The following ZNF280D variants were observed in gnomAD, a reference collection of about 807,000 sequenced individuals.
ZNF280D encodes suppressor of hairy wing homolog 4.
Under a neutral mutation model 94.7 loss-of-function variants are expected in ZNF280D, and 39 were observed. That is an observed-to-expected ratio of 0.41 (90% CI 0.32 to 0.54). The LOEUF is 0.54. Among genes scored for constraint, ZNF280D ranks in the 20% least tolerant of loss-of-function variants. ZNF280D has a pLI of 0.22. For missense variants in ZNF280D, 1,090 were observed against 1,149.3 expected (o/e 0.95, Z 0.75); for synonymous variants, 398 against 377.6 (o/e 1.05, Z -0.63).
intron 6 of ZNF280D, chr15:56,699,322 A>C (rs1695738824): frequency 1.1e-6 from 1 of 921,572 alleles, no homozygotes. Context: ...AAAGAAGCAA[A>C]TATAGCTCAC....
intron 1 of ZNF280D, among the ~76,000 whole-genome samples, chr15:56,718,918 T>C (rs1315343108): frequency 1.3e-5 from 2 of 152,202 alleles, no homozygotes; most frequent in African/African-American, 4.8e-5. Context: ...TCTTGAAATA[T>C]CATGCTCAGT....
chr15:56,713,789 A>G (rs2057897386), intron 1 of ZNF280D, among the ~76,000 whole-genome samples: 1 of 152,178 alleles, frequency 6.6e-6, no homozygotes, highest in Admixed American at 6.5e-5. Flanking sequence ...GCAATTTTTA[A>G]AACTCCTGTT....
intron 9 of ZNF280D, among the ~76,000 whole-genome samples, chr15:56,684,791 G>C (rs1236056873): frequency 6.6e-6 from 1 of 152,084 alleles, no homozygotes; most frequent in East Asian, 1.9e-4. Context: ...ATTCATATTG[G>C]AGATGAAATT....
At chr15:56,727,092 T>A (rs1340272273) in intron 1 of ZNF280D, among the ~76,000 whole-genome samples, 1 of 152,196 alleles carries the variant, frequency 6.6e-6, no homozygotes, top group African/African-American at 2.4e-5. Context: ...TAACGGTTAT[T>A]TTAGTAAAAT....
At chr15:56,632,201 A>G in intron 21 of ZNF280D, 79 bp from the exon 22 acceptor site, 1 of 1,290,868 alleles carries the variant, frequency 7.7e-7, no homozygotes. Context: ...GACGTGTTCT[A>G]AAAAATAAAA....
intron 16 of ZNF280D, among the ~76,000 whole-genome samples, chr15:56,665,338 C>A (rs1274888567): frequency 6.6e-6 from 1 of 152,096 alleles, no homozygotes; most frequent in Non-Finnish European, 1.5e-5. Flanking sequence ...ATCTAAACAA[C>A]TTTTGCCTAC....
At chr15:56,708,515 T>C (rs80031000) in intron 1 of ZNF280D, among the ~76,000 whole-genome samples, 5 of 152,180 alleles carry the variant, frequency 3.3e-5, no homozygotes, top group Admixed American at 3.3e-4. Flanking sequence ...GACTCATACA[T>C]AATGTTTTTA....
chr15:56,660,342 A>G (rs1272742296), intron 16 of ZNF280D, among the ~76,000 whole-genome samples: 1 of 152,154 alleles, frequency 6.6e-6, no homozygotes, highest in African/African-American at 2.4e-5. Flanking sequence ...ATCTTATAGT[A>G]TAGGGTCTTT....
intron 1 of ZNF280D, among the ~76,000 whole-genome samples, chr15:56,731,132 T>G (rs1175695915): frequency 6.6e-6 from 1 of 152,118 alleles, no homozygotes; most frequent in Non-Finnish European, 1.5e-5. Flanking sequence ...GGAACAAATT[T>G]AAACACTATC....
rs2057975444 is a variant in ZNF280D, at chr15:56,715,179, T to C, written c.-85-7873A>G. 2.6e-5 allele frequency among the ~76,000 whole-genome samples: 4 copies of C among 152,146 alleles called. No individual in the cohort carries two copies. In the South Asian group the frequency reaches 6.2e-4, roughly 24 times the overall value. On this transcript the variant is annotated intron_variant, in intron 1 of 21. Transcript: ENST00000267807. ...AGTTAAGAGTTTCTAGGTTAGGAGT[T>C]TGAATAAAAGCAATCACATTAGCCA...
intron 6 of ZNF280D, 94 bp downstream of exon 6, chr15:56,700,839 A>G: frequency 6.2e-7 from 1 of 1,604,302 alleles, no homozygotes; most frequent in Non-Finnish European, 8.5e-7. Flanking sequence ...ATGACTACTT[A>G]TGACAGTCCA....
At chr15:56,711,653 G>T (rs1323922535) in intron 1 of ZNF280D, among the ~76,000 whole-genome samples, 1 of 152,058 alleles carries the variant, frequency 6.6e-6, no homozygotes, top group East Asian at 1.9e-4. Flanking sequence ...GACACAGCAA[G>T]ACTCAGTCTC....
chr15:56,689,209 C>A, intron 8 of ZNF280D, 59 bp from the exon 9 acceptor site: 2 of 1,557,802 alleles, frequency 1.3e-6, no homozygotes, highest in South Asian at 1.2e-5. Context: ...CCTTAAATAA[C>A]CACTAATAAT....
Position 56,682,482 on chromosome 15 carries a change from A to AAC in ZNF280D, c.781-6_781-5insGT. On this transcript the variant is annotated splice_region_variant and splice_polypyrimidine_tract_variant and intron_variant, in intron 9 of 21. Coordinates refer to ENST00000267807, the MANE Select transcript of ZNF280D (RefSeq NM_017661.4). The stretch of plus-strand genomic sequence containing the variant: ...TATCATGTCTGGACAACAATACTGA[A>AAC]AGAGAAAAAAAAAAAAAAAAAACAA... 1 of 1,332,244 alleles carries AAC rather than the reference A, an allele frequency of 7.5e-7. No individual in the cohort carries two copies. The highest frequency in any genetic ancestry group is 1.5e-5 in the South Asian group (1 of 67,438). The allele number at this position is 1,332,244 out of a possible 1,614,324, so 82.5% of individuals were successfully genotyped here. A position where few individuals can be genotyped will look rare whatever the true frequency, so the allele number is the denominator to read the frequency against.
At chr15:56,714,934 A>G (rs1236417963) in intron 1 of ZNF280D, among the ~76,000 whole-genome samples, 1 of 152,166 alleles carries the variant, frequency 6.6e-6, no homozygotes, top group Non-Finnish European at 1.5e-5. Flanking sequence ...TCCTATCTCA[A>G]AAAGTTACCT....
At chr15:56,656,006 T>C (rs1325505914) in intron 17 of ZNF280D, among the ~76,000 whole-genome samples, 1 of 152,166 alleles carries the variant, frequency 6.6e-6, no homozygotes, top group African/African-American at 2.4e-5. Context: ...ACAATACCCA[T>C]CCTTTAAAGC....
In ZNF280D at chr15:56,689,082, T is replaced by A. The variant is rs918322500; in HGVS notation, c.739A>T (p.Ile247Phe). ...AAAGGATCCAAAAGATTGAAATGAA[T>A]GTTGCACTTTGGACAAGCTCTTGGA... Reference protein sequence around the residue: ...PFPRACPKCNIHFNLLDPLKN... With the variant: ...PFPRACPKCNFHFNLLDPLKN... The change falls in exon 9 of 22, where the codon ATT (isoleucine) becomes TTT (phenylalanine). Residue 247 changes from isoleucine to phenylalanine, a missense_variant. By Grantham distance (21) the Ile-to-Phe change is conservative (BLOSUM62 0). This residue lies in a region of ZNF280D where 386 missense variants were observed against 372.0 expected (regional missense o/e 1.04). Coordinates refer to ENST00000267807, the MANE Select transcript of ZNF280D (RefSeq NM_017661.4). The A allele has an allele frequency of 5.6e-6, 9 of 1,611,072 alleles. No individual in the cohort carries two copies. The highest frequency in any genetic ancestry group is 7.6e-6 in the Non-Finnish European group (9 of 1,178,888).
Position 56,631,857 on chromosome 15 carries a change from T to C in ZNF280D, c.2581A>G (p.Ile861Val). 4 of 1,613,866 alleles carry C rather than the reference T, an allele frequency of 2.5e-6. No homozygotes were observed. Among genetic ancestry groups the C allele is most frequent in the Non-Finnish European group, 3.4e-6 (4 of 1,180,016 alleles). ...LKMCQSSENI[I>V]LSDQIKDHNS... ...TGATCTTTAATCTGATCAGATAAGA[T>C]TATGTTTTCTGAACTTTGGCACATC... Residue 861 changes from isoleucine (I) to valine (V), a missense_variant, in exon 22 of 22, where the codon ATC becomes GTC. By Grantham distance (29) the Ile-to-Val change is conservative (BLOSUM62 3). Coordinates refer to ENST00000267807, the MANE Select transcript of ZNF280D (RefSeq NM_017661.4).
intron 4 of ZNF280D, among the ~76,000 whole-genome samples, chr15:56,701,907 TAA>T (rs1291271277): frequency 6.6e-6 from 1 of 151,674 alleles, no homozygotes; most frequent in Non-Finnish European, 1.5e-5. Context: ...AGGATCAATT[TAA>T]AGTTCCTCAT....
Sources: allele counts gnomAD v4.1 joint callset (sites outside exome capture counted in the v4.1 genomes callset), GRCh38; gene constraint gnomAD v4.1.1; regional missense constraint gnomAD v4.1.1; transcripts MANE v1.5; gene names NCBI Gene and HGNC (gene_info 2026-07-23, HGNC 2026-07-21).